CUBN: variants seen among roughly 807,000 people sequenced by gnomAD.
CUBN encodes 460 kDa receptor.
In CUBN, 282 loss-of-function variants were observed where a neutral mutation model predicts 405.3. The observed-to-expected ratio is 0.70, with a 90% CI of 0.63 to 0.77. The LOEUF is 0.77. CUBN is among the 30% of genes least tolerant of loss of function. The pLI, the probability that CUBN is intolerant of heterozygous loss-of-function variation, is 0.00. For synonymous variants in CUBN, 1,684 were observed against 1,617.0 expected, an observed-to-expected ratio of 1.04 and a Z score of -0.99; for missense variants, 4,514 against 4,475.2, an observed-to-expected ratio of 1.01 and a Z score of -0.25.
chr10:16,974,622 C>G (rs1336603194), intron 31 of CUBN, among the ~76,000 whole-genome samples: 1 of 152,114 alleles, frequency 6.6e-6, no homozygotes, highest in African/African-American at 2.4e-5. Context: ...CCCCCCGCCT[C>G]GGCCTCCTAA....
At chr10:16,857,776 A>G (rs190945943) in intron 59 of CUBN, among the ~76,000 whole-genome samples, 1 of 152,344 alleles carries the variant, frequency 6.6e-6, no homozygotes, top group Non-Finnish European at 1.5e-5. Context: ...AGGCAACGAT[A>G]TTGATTTCAC....
intron 28 of CUBN, among the ~76,000 whole-genome samples, chr10:16,991,818 T>C (rs1833597819): frequency 6.6e-6 from 1 of 152,166 alleles, no homozygotes; most frequent in Non-Finnish European, 1.5e-5. Context: ...TCAACCATTG[T>C]GGAAGTCAGT....
intron 31 of CUBN, among the ~76,000 whole-genome samples, chr10:16,957,123 T>C (rs1588518976): frequency 6.6e-6 from 1 of 152,184 alleles, no homozygotes; most frequent in South Asian, 2.1e-4. Flanking sequence ...TTATAGAACA[T>C]CAGAACTTAT....
At chr10:17,049,722 G>A (rs529669810) in intron 22 of CUBN, among the ~76,000 whole-genome samples, 13 of 151,986 alleles carry the variant, frequency 8.6e-5, no homozygotes, top group African/African-American at 2.9e-4. Context: ...TACCTAACCC[G>A]CCACCCAACA....
chr10:17,010,192 C>T (rs1226657537), intron 28 of CUBN, among the ~76,000 whole-genome samples: 2 of 152,206 alleles, frequency 1.3e-5, no homozygotes, highest in Non-Finnish European at 2.9e-5. Context: ...TGGGCCATTT[C>T]CCAGGATTCT....
chr10:17,083,729 G>T (rs1275782346), intron 17 of CUBN, among the ~76,000 whole-genome samples: 3 of 152,102 alleles, frequency 2.0e-5, no homozygotes, highest in African/African-American at 4.8e-5. Context: ...TCTAGTTTAT[G>T]TAAAATGATT....
chr10:16,828,524 C>T (rs1448196077), intron 66 of CUBN, among the ~76,000 whole-genome samples: 1 of 152,112 alleles, frequency 6.6e-6, no homozygotes, highest in Non-Finnish European at 1.5e-5. Flanking sequence ...TCGAGACCAG[C>T]CTGGTCAACA....
chr10:16,840,646 A>G (rs554499256), intron 61 of CUBN, 111 bp from the exon 62 acceptor site: 24 of 970,366 alleles, frequency 2.5e-5, no homozygotes, highest in Non-Finnish European at 3.9e-5. Context: ...CTATATTTTC[A>G]TTACTCTATT....
intron 60 of CUBN, among the ~76,000 whole-genome samples, chr10:16,841,576 C>T (rs1306569791): frequency 6.6e-6 from 1 of 152,208 alleles, no homozygotes; most frequent in Non-Finnish European, 1.5e-5. Context: ...TCTCCCACCC[C>T]TGACCTTTCT....
intron 51 of CUBN, among the ~76,000 whole-genome samples, chr10:16,902,097 A>G (rs1841405534): frequency 7.2e-6 from 1 of 138,086 alleles, no homozygotes; most frequent in African/African-American, 2.7e-5. Context: ...TAGTATATAT[A>G]TATACACACA....
At chr10:17,022,264 A>G (rs1479514548) in intron 27 of CUBN, among the ~76,000 whole-genome samples, 1 of 152,196 alleles carries the variant, frequency 6.6e-6, no homozygotes, top group Non-Finnish European at 1.5e-5. Context: ...GTGAGATTTC[A>G]GGGAAGGTCA....
At chr10:17,089,134 T>G (rs185533428) in intron 14 of CUBN, among the ~76,000 whole-genome samples, 5 of 152,302 alleles carry the variant, frequency 3.3e-5, no homozygotes, top group Non-Finnish European at 7.3e-5. Flanking sequence ...ATAAGTGAGA[T>G]AGGTAACATT....
chr10:16,909,764 G>A (rs1008667416), intron 48 of CUBN, among the ~76,000 whole-genome samples: 5 of 152,222 alleles, frequency 3.3e-5, no homozygotes, highest in Non-Finnish European at 7.3e-5. Context: ...TTTGTACTTA[G>A]AAACTACAAC....
At chr10:16,984,008 T>C (rs1833349897) in intron 30 of CUBN, 97 bp downstream of exon 30, 6 of 1,337,580 alleles carry the variant, frequency 4.5e-6, no homozygotes, top group African/African-American at 1.4e-5. Flanking sequence ...GTCACTAAGT[T>C]ATAAGTGTGT....
intron 27 of CUBN, among the ~76,000 whole-genome samples, chr10:17,029,193 A>C (rs1834736217): frequency 6.6e-6 from 1 of 152,232 alleles, no homozygotes; most frequent in South Asian, 2.1e-4. Flanking sequence ...TGAATCTGAG[A>C]GCAGAGGCTC....
chr10:17,065,653 G>A lies in CUBN; in HGVS notation c.3009-15C>T. ...TTCCACAGTATCTATTCCAAACCAA[G>A]AAAGGACAGATGTGTGTATTTTAGT... On this transcript the variant is annotated splice_polypyrimidine_tract_variant and intron_variant, in intron 21 of 66. Transcript: ENST00000377833. The A allele has an allele frequency of 6.2e-7, 1 of 1,612,904 alleles. No individual in the cohort carries two copies. Among genetic ancestry groups the A allele is most frequent in the Non-Finnish European group, 8.5e-7 (1 of 1,179,124 alleles).
At chr10:16,952,177 C>T in intron 33 of CUBN, 99 bp downstream of exon 33, 1 of 831,204 alleles carries the variant, frequency 1.2e-6, no homozygotes, top group African/African-American at 1.7e-5. Context: ...GGAAGGCCAT[C>T]GATTGTTAGC....
chr10:17,060,130 CTT>C (rs796415972), intron 22 of CUBN, among the ~76,000 whole-genome samples: 1 of 147,822 alleles, frequency 6.8e-6, no homozygotes. Flanking sequence ...TTTTCTTTTT[CTT>C]TTTTTTTTCA....
Position 16,913,840 on chromosome 10 carries a change from G to T in CUBN, c.7504C>A (p.His2502Asn), listed in dbSNP as rs1295362835. The part of the protein sequence containing the change: ...LMFNNLRLAT[H>N]PSCNNEHVIV... ...ACATGCTCATTGTTGCAGGACGGAT[G>T]CGTGGCCAGCCTCAGGTTGTTAAAC... The change falls in exon 48 of 67, where the codon CAT (histidine) becomes AAT (asparagine). Residue 2502 changes from histidine to asparagine, a missense_variant. Physicochemically the swap from His to Asn is moderately conservative, Grantham distance 68 (BLOSUM62 1). Coordinates refer to ENST00000377833, the MANE Select transcript of CUBN (RefSeq NM_001081.4). 1 of 1,613,988 alleles carries T rather than the reference G, an allele frequency of 6.2e-7. No individual in the cohort carries two copies. Among genetic ancestry groups the T allele is most frequent in the Admixed American group, 1.7e-5 (1 of 60,010 alleles).
Sources: allele counts gnomAD v4.1 joint callset (sites outside exome capture counted in the v4.1 genomes callset), GRCh38; gene constraint gnomAD v4.1.1; transcripts MANE v1.5; gene names NCBI Gene and HGNC (gene_info 2026-07-23, HGNC 2026-07-21).